PTPRZ1: variants seen among roughly 807,000 people sequenced by gnomAD.
The protein encoded by PTPRZ1 is receptor-type tyrosine-protein phosphatase zeta.
In PTPRZ1, 82 loss-of-function variants were observed where a neutral mutation model predicts 214.1. The observed-to-expected ratio is 0.38, with a 90% CI of 0.32 to 0.46. The LOEUF (loss-of-function observed/expected upper bound fraction) is 0.46, where lower values mean the gene tolerates loss of function less well. Among genes scored for constraint, PTPRZ1 ranks in the 20% least tolerant of loss-of-function variants. The probability of loss-of-function intolerance (pLI) is 1.00; values close to 1 mark genes in which losing one functional copy is unlikely to be tolerated. For missense variants in PTPRZ1, 2,603 were observed against 2,748.7 expected (o/e 0.95, Z 1.19); for synonymous variants, 945 against 987.9 (o/e 0.96, Z 0.81).
intron 8 of PTPRZ1, among the ~76,000 whole-genome samples, chr7:121,992,956 A>G (rs537184764): frequency 3.3e-5 from 5 of 152,252 alleles, no homozygotes; most frequent in African/African-American, 1.2e-4. Flanking sequence ...ACTCACAGCC[A>G]GAAGCCTGCA....
At chr7:122,036,966 C>A (rs765991484) in intron 18 of PTPRZ1, among the ~76,000 whole-genome samples, 3 of 152,144 alleles carry the variant, frequency 2.0e-5, no homozygotes, top group Non-Finnish European at 4.4e-5. Context: ...AGATAGGTTT[C>A]TAACTCTTTA....
At chr7:122,033,856 C>T in intron 15 of PTPRZ1, 1 of 513,404 alleles carries the variant, frequency 1.9e-6, no homozygotes, top group Non-Finnish European at 3.4e-6. Flanking sequence ...TATGACATCA[C>T]TATCTCCTTT....
intron 11 of PTPRZ1, among the ~76,000 whole-genome samples, chr7:122,008,334 T>C (rs532765781): frequency 6.6e-6 from 1 of 152,222 alleles, no homozygotes; most frequent in East Asian, 1.9e-4. Context: ...CCTTTGTGTT[T>C]CCTTTAAATA....
intron 20 of PTPRZ1, among the ~76,000 whole-genome samples, chr7:122,040,000 A>G (rs1799671607): frequency 6.6e-6 from 1 of 152,070 alleles, no homozygotes; most frequent in Admixed American, 6.5e-5. Context: ...GAAAAGAAAA[A>G]AAAAAAGAAT....
rs1272260922 is a variant in PTPRZ1 at position 121,953,001 on chromosome 7, G to A, written c.125-14950G>A. On this transcript the variant is annotated intron_variant, in intron 2 of 29. Coordinates refer to ENST00000393386, the MANE Select transcript of PTPRZ1 (RefSeq NM_002851.3). ...TTGACACTAATTAAAAAAAAAATAA[G>A]TGGAAATTCAGGAAAGAGGTTAGAG... Among the ~76,000 whole-genome samples the A allele has an allele frequency of 3.9e-5, 6 of 152,120 alleles. No individual in the cohort carries two copies. In the East Asian group the frequency reaches 1.2e-3, roughly 29 times the overall value.
At chr7:121,905,440 T>G (rs1001319544) in intron 1 of PTPRZ1, among the ~76,000 whole-genome samples, 6 of 152,124 alleles carry the variant, frequency 3.9e-5, no homozygotes, top group Non-Finnish European at 7.3e-5. Flanking sequence ...TTGTCCCCAG[T>G]TTCCCACTTC....
chr7:121,902,335 TGATTACATTTCCTTTG>T (rs1004772958), intron 1 of PTPRZ1, among the ~76,000 whole-genome samples: 4 of 152,192 alleles, frequency 2.6e-5, no homozygotes, highest in African/African-American at 9.6e-5. Context: ...TTTGACATAT[TGATTACATTTCCTTTG>T]GATTACATTT....
chr7:122,059,739 T>A lies in PTPRZ1; in HGVS notation c.6672-14T>A. ...AATGGAGTCTTTGTTCCTTTTCTTT[T>A]TTTTTTTTACAAGGCATGGAGGAGT... On this transcript the variant is annotated splice_polypyrimidine_tract_variant and intron_variant, in intron 28 of 29. Transcript: ENST00000393386. The A allele has an allele frequency of 6.3e-7, 1 of 1,584,746 alleles. No individual in the cohort carries two copies. The highest frequency in any genetic ancestry group is 2.2e-5 in the East Asian group (1 of 44,740).
intron 2 of PTPRZ1, among the ~76,000 whole-genome samples, chr7:121,933,776 A>C (rs1392860958): frequency 6.6e-6 from 1 of 152,196 alleles, no homozygotes; most frequent in Non-Finnish European, 1.5e-5. Context: ...GCCCAGGAGA[A>C]AGTAAGCCAA....
At chr7:121,912,709 G>T (rs1795314256) in intron 1 of PTPRZ1, among the ~76,000 whole-genome samples, 1 of 152,162 alleles carries the variant, frequency 6.6e-6, no homozygotes, top group Admixed American at 6.6e-5. Flanking sequence ...TGGGAAAAGA[G>T]TGGTGGCATC....
chr7:122,055,625 T>C (rs1282674318), intron 27 of PTPRZ1, among the ~76,000 whole-genome samples: 1 of 151,906 alleles, frequency 6.6e-6, no homozygotes, highest in Non-Finnish European at 1.5e-5. Flanking sequence ...GTCTTGGTTA[T>C]CTATTACACA....
At position 122,019,201 on chromosome 7, in the gene PTPRZ1, C is replaced by T. The variant is rs1370999868; in HGVS notation, c.4921C>T (p.Leu1641Phe). 1 of 1,611,646 alleles carries T rather than the reference C, an allele frequency of 6.2e-7. No individual in the cohort carries two copies. The highest frequency in any genetic ancestry group is 8.5e-7 in the Non-Finnish European group (1 of 1,177,832). Residue 1641 changes from leucine (L) to phenylalanine (F), a missense_variant, in exon 13 of 30, where the codon CTT (leucine) becomes TTT (phenylalanine). Physicochemically the swap from Leu to Phe is conservative, Grantham distance 22. Coordinates refer to ENST00000393386, the MANE Select transcript of PTPRZ1 (RefSeq NM_002851.3). ...LESEKKAVIP[L>F]VIVSALTFIC... ...ATCCGAGAAGAAGGCAGTTATACCC[C>T]TTGTGATCGTGTCAGCCCTGACTTT...
chr7:121,953,347 G>C (rs940640525), intron 2 of PTPRZ1, among the ~76,000 whole-genome samples: 5 of 152,104 alleles, frequency 3.3e-5, no homozygotes, highest in Admixed American at 6.5e-5. Context: ...ACTTTCACTT[G>C]GTTTGAAAAG....
intron 1 of PTPRZ1, among the ~76,000 whole-genome samples, chr7:121,922,759 C>G (rs1377828307): frequency 6.6e-6 from 1 of 152,168 alleles, no homozygotes; most frequent in Non-Finnish European, 1.5e-5. Context: ...GATAACCACT[C>G]TGATGACAGT....
intron 8 of PTPRZ1, among the ~76,000 whole-genome samples, chr7:121,989,571 G>T (rs190517622): frequency 3.3e-5 from 5 of 151,830 alleles, no homozygotes; most frequent in African/African-American, 7.3e-5. Context: ...ACAGGGTTTC[G>T]CCATGTTAGT....
chr7:121,916,535 C>A (rs1353986103), intron 1 of PTPRZ1, among the ~76,000 whole-genome samples: 1 of 152,138 alleles, frequency 6.6e-6, no homozygotes, highest in Non-Finnish European at 1.5e-5. Flanking sequence ...TAACCCCTGG[C>A]CAAGAATTTG....
intron 2 of PTPRZ1, among the ~76,000 whole-genome samples, chr7:121,940,827 T>C (rs185154614): frequency 8.1e-4 from 124 of 152,176 alleles, no homozygotes; most frequent in Non-Finnish European, 1.5e-3. Context: ...AAGGGCTCTT[T>C]AGCTTGGCAT....
intron 10 of PTPRZ1, among the ~76,000 whole-genome samples, chr7:122,001,147 A>G (rs1213283278): frequency 6.6e-6 from 1 of 152,120 alleles, no homozygotes; most frequent in Non-Finnish European, 1.5e-5. Flanking sequence ...ATCACCATAA[A>G]CTATGCTCAT....
rs537767994 is a variant in PTPRZ1, at chr7:122,031,110, A to AT, written c.5081-358dup. On this transcript the variant is annotated intron_variant, in intron 14 of 29. Transcript: ENST00000393386. ...AAAATTGAAACTATATTATTTCTAC[A>AT]TTTTTTCTCAGAATTTACATGCAAC... is the stretch of plus-strand genomic sequence containing the variant. Among the ~76,000 whole-genome samples the AT allele has an allele frequency of 3.9e-5, 6 of 152,116 alleles. No individual in the cohort carries two copies. In the South Asian group the frequency reaches 6.2e-4, roughly 16 times the overall value.
Sources: gnomAD v4.1 joint callset for allele counts (sites outside exome capture counted in the v4.1 genomes callset) on GRCh38, gnomAD v4.1.1 for gene constraint, MANE v1.5 for transcripts, NCBI Gene and HGNC (gene_info 2026-07-23, HGNC 2026-07-21) for gene names.